SAMHD1: variants seen among roughly 807,000 people sequenced by gnomAD.
SAMHD1 encodes the protein deoxynucleoside triphosphate triphosphohydrolase SAMHD1.
A neutral mutation model predicts 79.6 loss-of-function variants in SAMHD1; 54 were observed. The ratio of observed to expected loss-of-function variants is 0.68; its 90% CI spans 0.55 to 0.85. The LOEUF (loss-of-function observed/expected upper bound fraction) is 0.85, where lower values mean the gene tolerates loss of function less well. SAMHD1 is among the 40% of genes least tolerant of loss of function. The pLI is 0.00. For missense variants in SAMHD1, 663 were observed against 782.7 expected (o/e 0.85, Z 1.82); for synonymous variants, 260 against 264.1 (o/e 0.98, Z 0.15).
intron 13 of SAMHD1, among the ~76,000 whole-genome samples, chr20:36,898,910 CAAAAA>C (rs57902699): frequency 2.9e-5 from 2 of 69,418 alleles, no homozygotes; most frequent in South Asian, 1.1e-3. Flanking sequence ...GACTCTGACT[CAAAAA>C]AAAAAAAAAA....
chr20:36,947,902 G>C (rs2063705218), intron 1 of SAMHD1, among the ~76,000 whole-genome samples: 1 of 151,704 alleles, frequency 6.6e-6, no homozygotes, highest in Non-Finnish European at 1.5e-5. Flanking sequence ...GAATTCTTGG[G>C]CTCAAGTGAT....
At position 36,898,064 on chromosome 20, in the gene SAMHD1, C is replaced by A. The variant is rs573447670; in HGVS notation, c.1609-105G>T. 75 of 1,398,948 alleles carry A rather than the reference C, an allele frequency of 5.4e-5. No homozygotes were observed. In the African/African-American group the frequency reaches 1.0e-3, roughly 19 times the overall value. 86.7% of individuals were successfully genotyped at this position (1,398,948 alleles called of 1,614,324 possible). The stretch of plus-strand genomic sequence containing the variant: ...TTCCTTTTTTTTTGAGACAAGATCT[C>A]CCTGTCACCCAGGCTGGAGTGCAGT... On this transcript the variant is annotated intron_variant, in intron 14 of 15. Coordinates refer to ENST00000646673, the MANE Select transcript of SAMHD1 (RefSeq NM_015474.4).
Position 36,897,804 on chromosome 20 carries a change from G to A in SAMHD1, c.1746+18C>T, listed in dbSNP as rs2148355462. The A allele has an allele frequency of 7.4e-6, 12 of 1,614,108 alleles. No homozygotes were observed. The highest frequency in any genetic ancestry group is 1.0e-5 in the Non-Finnish European group (12 of 1,179,980). On this transcript the variant is annotated intron_variant, in intron 15 of 15. Coordinates refer to ENST00000646673, the MANE Select transcript of SAMHD1 (RefSeq NM_015474.4). The stretch of plus-strand genomic sequence containing the variant: ...AAATAAAAAATTGTGCAAAGTTTGT[G>A]AGTAACAGGCCACCTACCTGCGGCT...
intron 11 of SAMHD1, among the ~76,000 whole-genome samples, chr20:36,906,402 C>T (rs1376251878): frequency 1.3e-5 from 2 of 152,230 alleles, no homozygotes; most frequent in African/African-American, 4.8e-5. Context: ...GGCGCCACTG[C>T]ACTCCCACCT....
chr20:36,898,355 A>C, intron 14 of SAMHD1, 85 bp downstream of exon 14: 1 of 1,052,262 alleles, frequency 9.5e-7, no homozygotes, highest in Non-Finnish European at 1.5e-6. Flanking sequence ...TATGCCTTAA[A>C]ACCTAATTTG....
intron 3 of SAMHD1, 48 bp from the exon 4 acceptor site, chr20:36,935,237 C>G: frequency 6.7e-7 from 1 of 1,502,042 alleles, no homozygotes; most frequent in Non-Finnish European, 9.3e-7. Flanking sequence ...GTAAGTCCAA[C>G]TGAAATTTGT....
intron 6 of SAMHD1, among the ~76,000 whole-genome samples, chr20:36,925,675 C>T (rs1004272040): frequency 2.6e-5 from 4 of 152,090 alleles, no homozygotes; most frequent in Admixed American, 6.6e-5. Context: ...ACTTTTTAAA[C>T]GAGTAAAATG....
intron 7 of SAMHD1, 109 bp from the exon 8 acceptor site, chr20:36,917,158 G>T: frequency 1.4e-6 from 1 of 720,568 alleles, no homozygotes; most frequent in Non-Finnish European, 2.5e-6. Flanking sequence ...ATACCTGACT[G>T]GGAATATGAG....
At chr20:36,898,628 C>T in intron 13 of SAMHD1, 84 bp from the exon 14 acceptor site, 1 of 1,094,616 alleles carries the variant, frequency 9.1e-7, no homozygotes, top group Non-Finnish European at 1.4e-6. Flanking sequence ...AGAAATGGAA[C>T]AGAGGCCGGG....
rs150168125 is a variant in SAMHD1, at chr20:36,947,085, C to G, written c.209-281G>C. 1.4e-4 allele frequency: 47 copies of G among 334,404 alleles called. No individual in the cohort carries two copies. The East Asian group carries it at 3.3e-3, about 23-fold the overall frequency. The allele number at this position is 334,404 out of a possible 1,614,324, so 20.7% of individuals were successfully genotyped here. ...CAGTTGCAAAAAGGAAAGTGAAACC[C>G]GACTACCTGTTGGGGTTTTGCCAGG... On this transcript the variant is annotated intron_variant, in intron 1 of 15. Transcript: ENST00000646673.
intron 4 of SAMHD1, among the ~76,000 whole-genome samples, chr20:36,932,352 C>CAAAA (rs71186091): frequency 2.9e-4 from 10 of 34,192 alleles, no homozygotes; most frequent in African/African-American, 8.8e-4. Context: ...ACTCCGTCTC[C>CAAAA]AAAAAAAAAA....
intron 2 of SAMHD1, among the ~76,000 whole-genome samples, chr20:36,942,671 G>C (rs556949862): frequency 6.6e-6 from 1 of 150,598 alleles, no homozygotes; most frequent in African/African-American, 2.4e-5. Context: ...TTTTGAAATG[G>C]AGTCTTACTC....
chr20:36,944,852 C>T (rs1161016014), intron 2 of SAMHD1, among the ~76,000 whole-genome samples: 1 of 152,030 alleles, frequency 6.6e-6, no homozygotes, highest in Non-Finnish European at 1.5e-5. Context: ...CGAGATCGTG[C>T]CATTGCACTC....
chr20:36,893,719 G>A (rs1990137025), intron 15 of SAMHD1: 1 of 393,804 alleles, frequency 2.5e-6, no homozygotes, highest in Non-Finnish European at 4.5e-6. Flanking sequence ...ACAAGATGAT[G>A]CACGATCTTG....
rs189220297 is a variant in SAMHD1, at chr20:36,948,792, G to A, written c.209-1988C>T. Among the ~76,000 whole-genome samples the A allele has an allele frequency of 2.5e-3, 374 of 149,284 alleles. 1 individual carries two copies. Among genetic ancestry groups the A allele is most frequent in the African/African-American group, 6.7e-3 (272 of 40,570 alleles). ...TGAGGCAGGAGAATTGCTTGAACCC[G>A]GGAGGCAGAGGTTACAGTGAGCCGA... On this transcript the variant is annotated intron_variant, in intron 1 of 15. Transcript: ENST00000646673.
chr20:36,949,365 G>C (rs2063716838), intron 1 of SAMHD1, among the ~76,000 whole-genome samples: 2 of 151,398 alleles, frequency 1.3e-5, no homozygotes, highest in Non-Finnish European at 2.9e-5. Flanking sequence ...TGTAATCCCA[G>C]CACTTTAGGA....
intron 13 of SAMHD1, among the ~76,000 whole-genome samples, chr20:36,901,457 T>C (rs1990305525): frequency 6.6e-6 from 1 of 152,038 alleles, no homozygotes. Context: ...TAACATTGGC[T>C]GGGTGCAGTG....
intron 7 of SAMHD1, 76 bp downstream of exon 7, chr20:36,919,288 T>C: frequency 7.1e-7 from 1 of 1,412,444 alleles, no homozygotes; most frequent in Non-Finnish European, 1.0e-6. Flanking sequence ...TAGCCAAATG[T>C]ATAACTCAGA....
chr20:36,948,877 A>G (rs948039738), intron 1 of SAMHD1, among the ~76,000 whole-genome samples: 16 of 103,080 alleles, frequency 1.6e-4, no homozygotes, highest in South Asian at 3.5e-4. Context: ...AAAAAAAAAA[A>G]AAAAGAAAAG....
Sources: gnomAD v4.1 joint callset for allele counts (sites outside exome capture counted in the v4.1 genomes callset) on GRCh38, gnomAD v4.1.1 for gene constraint, MANE v1.5 for transcripts, NCBI Gene and HGNC (gene_info 2026-07-23, HGNC 2026-07-21) for gene names.